The following NRCAM variants were observed in gnomAD, a reference collection of about 807,000 sequenced individuals.
The protein encoded by NRCAM is neuronal cell adhesion molecule.
NRCAM carries 83 observed loss-of-function variants against 156.5 expected under a neutral mutation model. That is an observed-to-expected ratio of 0.53 (90% CI 0.44 to 0.64). The LOEUF (loss-of-function observed/expected upper bound fraction) is 0.64, where lower values mean the gene tolerates loss of function less well. NRCAM is among the 30% of genes least tolerant of loss of function. NRCAM has a pLI of 0.00. For missense variants in NRCAM, 1,417 were observed against 1,597.3 expected, an observed-to-expected ratio of 0.89 and a Z score of 1.92; for synonymous variants, 538 against 563.9, an observed-to-expected ratio of 0.95 and a Z score of 0.65.
At chr7:108,212,403 GA>G (rs1345621883) in intron 11 of NRCAM, among the ~76,000 whole-genome samples, 1 of 152,094 alleles carries the variant, frequency 6.6e-6, no homozygotes, top group Non-Finnish European at 1.5e-5. Context: ...AGAAATCCCT[GA>G]TTTACCTGAA....
At chr7:108,199,694 C>T (rs775083279) in intron 13 of NRCAM, among the ~76,000 whole-genome samples, 1 of 152,148 alleles carries the variant, frequency 6.6e-6, no homozygotes, top group Non-Finnish European at 1.5e-5. Flanking sequence ...CTTTTGGGGG[C>T]TCATGTAATT....
Position 108,305,651 on chromosome 7 carries a change from T to C in NRCAM, c.-107+7014A>G, listed in dbSNP as rs546568470. On this transcript the variant is annotated intron_variant, in intron 3 of 32. Coordinates refer to ENST00000379028, the MANE Select transcript of NRCAM (RefSeq NM_001037132.4). ...CTAACAGCTTCTGTCAGCAGCTTTATTCAGTACAGTATCAAAAGCTTTGCA... is the reference window on the plus strand; with the variant it reads ...CTAACAGCTTCTGTCAGCAGCTTTACTCAGTACAGTATCAAAAGCTTTGCA... Among the ~76,000 whole-genome samples, 6 of 152,312 alleles carry C rather than the reference T, an allele frequency of 3.9e-5. No homozygotes were observed. The East Asian group carries it at 5.8e-4, about 15-fold the overall frequency.
chr7:108,408,600 TATCCAC>T (rs1791382601), intron 1 of NRCAM, among the ~76,000 whole-genome samples: 2 of 152,254 alleles, frequency 1.3e-5, no homozygotes. Flanking sequence ...GACAGCTTCA[TATCCAC>T]AATAAAATAG....
intron 1 of NRCAM, among the ~76,000 whole-genome samples, chr7:108,447,237 G>T (rs976283940): frequency 6.7e-6 from 1 of 149,720 alleles, no homozygotes; most frequent in Non-Finnish European, 1.5e-5. Context: ...ACCCCATATG[G>T]GTTTGCCAAG....
intron 4 of NRCAM, among the ~76,000 whole-genome samples, chr7:108,239,241 A>G (rs969722863): frequency 1.3e-5 from 2 of 152,106 alleles, no homozygotes; most frequent in African/African-American, 4.8e-5. Context: ...CTACTAGGAA[A>G]ATGGAGGGCT....
At chr7:108,394,198 A>G (rs1167374012) in intron 2 of NRCAM, among the ~76,000 whole-genome samples, 2 of 152,186 alleles carry the variant, frequency 1.3e-5, no homozygotes, top group African/African-American at 2.4e-5. Flanking sequence ...ACAATCCCCA[A>G]AAGGAAGGAC....
chr7:108,413,105 T>C (rs531844892), intron 1 of NRCAM, among the ~76,000 whole-genome samples: 1 of 152,302 alleles, frequency 6.6e-6, no homozygotes, highest in African/African-American at 2.4e-5. Flanking sequence ...GGAGCCACAA[T>C]ACTACTTTCC....
At chr7:108,286,918 G>A (rs541956613) in intron 3 of NRCAM, among the ~76,000 whole-genome samples, 1 of 152,176 alleles carries the variant, frequency 6.6e-6, no homozygotes, top group South Asian at 2.1e-4. Context: ...ATTTTTATAA[G>A]GCACGTGAAA....
intron 30 of NRCAM, among the ~76,000 whole-genome samples, chr7:108,166,329 C>T (rs1200794822): frequency 6.6e-6 from 1 of 151,000 alleles, no homozygotes; most frequent in East Asian, 1.9e-4. Flanking sequence ...CTCACCGCAA[C>T]CTCTGCCTCC....
chr7:108,258,542 A>G (rs1413600088), intron 3 of NRCAM, among the ~76,000 whole-genome samples: 1 of 152,168 alleles, frequency 6.6e-6, no homozygotes, highest in Admixed American at 6.5e-5. Context: ...CGTGGGGGAA[A>G]ATGATAAAGT....
At position 108,448,515 on chromosome 7, in the gene NRCAM, C is replaced by A. The variant is rs1249594854; in HGVS notation, c.-332+7728G>T. On this transcript the variant is annotated intron_variant, in intron 1 of 32. Transcript: ENST00000379028. ...TCAATTTTTCAGTTTTCAAATACTA[C>A]AATTTTTCCATTTCCAATCGCAGTT... Among the ~76,000 whole-genome samples, 3 of 152,186 alleles carry A rather than the reference C, an allele frequency of 2.0e-5. 1 individual carries two copies. The East Asian group carries it at 5.8e-4, about 29-fold the overall frequency.
chr7:108,260,203 G>A lies in NRCAM; in HGVS notation c.-106-20033C>T, dbSNP rs539529466. Among the ~76,000 whole-genome samples the A allele has an allele frequency of 1.1e-3, 160 of 152,080 alleles. 1 individual carries two copies. Among genetic ancestry groups the A allele is most frequent in the Non-Finnish European group, 1.9e-3 (131 of 68,004 alleles). The stretch of plus-strand genomic sequence containing the variant: ...TCAGGCAAGCGGAGCCCTCCACCAC[G>A]TGGCCAGAATTTCCTGACGTCCAAG... On this transcript the variant is annotated intron_variant, in intron 3 of 32. Coordinates refer to ENST00000379028, the MANE Select transcript of NRCAM (RefSeq NM_001037132.4).
intron 23 of NRCAM, 35 bp from the exon 24 acceptor site, chr7:108,181,972 A>G (rs375683221): frequency 1.2e-4 from 173 of 1,492,286 alleles, no homozygotes; most frequent in Non-Finnish European, 1.5e-4. Flanking sequence ...AGAAGTATCA[A>G]TGTTATTTTT....
At chr7:108,276,867 C>CT (rs201179738) in intron 3 of NRCAM, among the ~76,000 whole-genome samples, 6,499 of 152,096 alleles carry the variant, frequency 0.043, 182 homozygotes, top group South Asian at 0.11. Context: ...TTTGCAGTGG[C>CT]GGTACTGGTT....
chr7:108,218,985 G>C (rs1456057612), intron 11 of NRCAM, among the ~76,000 whole-genome samples: 1 of 152,112 alleles, frequency 6.6e-6, no homozygotes, highest in Admixed American at 6.5e-5. Context: ...GAAAAGAAGA[G>C]AGAAAATCCA....
chr7:108,364,862 TG>T (rs991029756), intron 2 of NRCAM, among the ~76,000 whole-genome samples: 1 of 152,112 alleles, frequency 6.6e-6, no homozygotes, highest in African/African-American at 2.4e-5. Flanking sequence ...TGACTGTGTA[TG>T]GGAACATAGC....
chr7:108,220,762 A>G (rs964198181), intron 11 of NRCAM, among the ~76,000 whole-genome samples: 1 of 152,198 alleles, frequency 6.6e-6, no homozygotes, highest in African/African-American at 2.4e-5. Flanking sequence ...ATATCATAGG[A>G]AAACCCCTTC....
chr7:108,299,122 G>GAAAGAAAGAAAGAAAGAAAA (rs2098529734), intron 3 of NRCAM, among the ~76,000 whole-genome samples: 1 of 35,428 alleles, frequency 2.8e-5, no homozygotes, highest in African/African-American at 9.4e-5. Flanking sequence ...AAAAAAGAAA[G>GAAAGAAAGAAAGAAAGAAAA]AAAGAAAGAA....
At chr7:108,175,581 A>G (rs546867151) in intron 27 of NRCAM, among the ~76,000 whole-genome samples, 2 of 152,194 alleles carry the variant, frequency 1.3e-5, no homozygotes, top group East Asian at 1.9e-4. Flanking sequence ...TTGAATACCC[A>G]GTATTCAAAC....
Sources: gnomAD v4.1 joint callset for allele counts (sites outside exome capture counted in the v4.1 genomes callset) on GRCh38, gnomAD v4.1.1 for gene constraint, MANE v1.5 for transcripts, NCBI Gene and HGNC (gene_info 2026-07-23, HGNC 2026-07-21) for gene names.